The following ZEB2 variants were observed in gnomAD, a reference collection of about 807,000 sequenced individuals.
The protein encoded by ZEB2 is zinc finger E-box-binding homeobox 2.
ZEB2 carries 6 observed loss-of-function variants against 99.9 expected under a neutral mutation model. The observed-to-expected ratio is 0.06, with a 90% CI of 0.03 to 0.12. The LOEUF is 0.12. Among genes scored for constraint, ZEB2 ranks in the 10% least tolerant of loss-of-function variants. The probability of loss-of-function intolerance (pLI) is 1.00; values close to 1 mark genes in which losing one functional copy is unlikely to be tolerated. For synonymous variants in ZEB2, 517 were observed against 542.5 expected, an observed-to-expected ratio of 0.95 and a Z score of 0.65; for missense variants, 969 against 1,502.8, an observed-to-expected ratio of 0.64 and a Z score of 5.87.
intron 2 of ZEB2, among the ~76,000 whole-genome samples, chr2:144,483,161 CACAT>C (rs1344484372): frequency 5.0e-5 from 7 of 141,110 alleles, no homozygotes; most frequent in East Asian, 2.1e-4. Context: ...CACACACACA[CACAT>C]ACCCTAAGAC....
At chr2:144,454,228 T>C (rs1382818458) in intron 2 of ZEB2, among the ~76,000 whole-genome samples, 1 of 152,220 alleles carries the variant, frequency 6.6e-6, no homozygotes, top group African/African-American at 2.4e-5. Context: ...TATTTTACAT[T>C]GCTGTAATAG....
chr2:144,484,185 T>TTTTGTG (rs1553968451), intron 2 of ZEB2, among the ~76,000 whole-genome samples: 55 of 142,526 alleles, frequency 3.9e-4, no homozygotes, highest in African/African-American at 1.4e-3. Context: ...AAATCTGGAT[T>TTTTGTG]TGTGTGTGTG....
rs1553968396 is a variant in ZEB2 at position 144,483,150 on chromosome 2, A to ACACATGCG, written c.73+34127_73+34128insCGCATGTG. On this transcript the variant is annotated intron_variant, in intron 2 of 9. Coordinates refer to ENST00000627532, the MANE Select transcript of ZEB2 (RefSeq NM_014795.4). ...CACACACACACACACACACACACAC[A>ACACATGCG]CACACACACACACATACCCTAAGAC... Among the ~76,000 whole-genome samples, 780 of 149,656 alleles carry ACACATGCG rather than the reference A, an allele frequency of 5.2e-3. 7 individuals carry two copies. Among genetic ancestry groups the ACACATGCG allele is most frequent in the African/African-American group, 0.018 (734 of 40,954 alleles).
At chr2:144,518,244 T>G (rs1277576230) in intron 1 of ZEB2, 2 of 152,432 alleles carry the variant, frequency 1.3e-5, no homozygotes, top group South Asian at 4.1e-4. Flanking sequence ...GCAATACTTT[T>G]AAGCTCTACT....
chr2:144,404,772 T>C (rs908139436), intron 5 of ZEB2, 64 bp downstream of exon 5: 1 of 1,569,044 alleles, frequency 6.4e-7, no homozygotes, highest in Non-Finnish European at 8.7e-7. Flanking sequence ...AGGCATGTAG[T>C]GCATTTGTAA....
chr2:144,427,112 C>T (rs1703700163), intron 3 of ZEB2: 1 of 152,046 alleles, frequency 6.6e-6, no homozygotes, highest in African/African-American at 2.4e-5. Flanking sequence ...TTCCAGTCAC[C>T]CCTGGGATGA....
chr2:144,504,095 CAACAAAA>C (rs1560653637), intron 2 of ZEB2: 3 of 47,594 alleles, frequency 6.3e-5, no homozygotes, highest in Admixed American at 1.8e-4. Context: ...AAAAAAAAAA[CAACAAAA>C]AAAACAAACC....
At chr2:144,519,744 G>T in intron 1 of ZEB2, 195 bp downstream of exon 1, 1 of 347,628 alleles carries the variant, frequency 2.9e-6, no homozygotes, top group South Asian at 2.3e-5. Flanking sequence ...GAGTGTAAGA[G>T]AAAGCGAAGA....
intron 2 of ZEB2, among the ~76,000 whole-genome samples, chr2:144,447,473 A>T (rs1423131515): frequency 6.6e-6 from 1 of 152,168 alleles, no homozygotes; most frequent in Non-Finnish European, 1.5e-5. Context: ...ATTTATTATT[A>T]TCCCTTACCA....
intron 4 of ZEB2, among the ~76,000 whole-genome samples, chr2:144,415,903 C>G (rs1039701863): frequency 6.6e-6 from 1 of 152,220 alleles, no homozygotes; most frequent in African/African-American, 2.4e-5. Context: ...TGCCTGTATA[C>G]TGCAAGCAAA....
At chr2:144,439,130 GAAGAAAAAAAAAAAAAAAAAAAAACTT>G (rs1372615281) in intron 2 of ZEB2, among the ~76,000 whole-genome samples, 1 of 132,330 alleles carries the variant, frequency 7.6e-6, no homozygotes, top group Non-Finnish European at 1.6e-5. Flanking sequence ...AGGCTGGGAG[GAAGAAAAAAAAAAAAAAAAAAAAACTT>G]AAGGTTTGCT....
Position 144,398,859 on chromosome 2 carries a change from G to C in ZEB2, c.2328C>G (p.Asp776Glu), listed in dbSNP as rs758848641. ...GAGAAGGAGTATTACTCCTGGAGTGGTCCAATTTTTCAACTGGTTTAATAT... is the reference window on the plus strand; with the variant it reads ...GAGAAGGAGTATTACTCCTGGAGTGCTCCAATTTTTCAACTGGTTTAATAT... ...FTNIKPVEKL[D>E]HSRSNTPSPL... Residue 776 changes from aspartate to glutamate, a missense_variant, in exon 8 of 10, where the codon GAC becomes GAG. Physicochemically the swap from Asp to Glu is conservative, Grantham distance 45 (BLOSUM62 2). Transcript: ENST00000627532. 4.3e-6 allele frequency: 7 copies of C among 1,614,146 alleles called. No homozygotes were observed. The highest frequency in any genetic ancestry group is 5.9e-6 in the Non-Finnish European group (7 of 1,180,020).
intron 2 of ZEB2, among the ~76,000 whole-genome samples, chr2:144,452,466 C>A (rs1267369182): frequency 6.6e-6 from 1 of 152,108 alleles, no homozygotes; most frequent in East Asian, 1.9e-4. Flanking sequence ...TACAGCATCA[C>A]CACAAAAGGC....
chr2:144,514,284 C>A (rs569773846), intron 2 of ZEB2: 1 of 166,616 alleles, frequency 6.0e-6, no homozygotes, highest in East Asian at 1.7e-4. Flanking sequence ...CTGCTTTACA[C>A]GTTTTATCTC....
chr2:144,444,675 T>G (rs774638497), intron 2 of ZEB2, among the ~76,000 whole-genome samples: 3 of 152,208 alleles, frequency 2.0e-5, no homozygotes, highest in Non-Finnish European at 4.4e-5. Flanking sequence ...GTCACCTGAA[T>G]AGCATCCCCA....
chr2:144,396,337 A>ATCTT, intron 9 of ZEB2, 75 bp downstream of exon 9: 1 of 1,550,250 alleles, frequency 6.5e-7, no homozygotes, highest in Non-Finnish European at 8.9e-7. Context: ...TATGTTGCAC[A>ATCTT]AGTGTGCTCA....
intron 2 of ZEB2, among the ~76,000 whole-genome samples, chr2:144,440,335 C>A (rs1188652022): frequency 6.6e-6 from 1 of 151,864 alleles, no homozygotes; most frequent in Non-Finnish European, 1.5e-5. Context: ...ACTGCTTTAT[C>A]CTCATGTATT....
intron 4 of ZEB2, among the ~76,000 whole-genome samples, chr2:144,422,202 A>G (rs960643097): frequency 6.6e-6 from 1 of 152,200 alleles, no homozygotes; most frequent in Non-Finnish European, 1.5e-5. Flanking sequence ...ATGGTAGCAT[A>G]ACATGACCCA....
intron 6 of ZEB2, 89 bp downstream of exon 6, chr2:144,403,827 T>A: frequency 6.5e-7 from 1 of 1,546,660 alleles, no homozygotes; most frequent in Non-Finnish European, 8.9e-7. Context: ...CAAAATGCCA[T>A]GAAAAATTAA....
Sources: gnomAD v4.1 joint callset for allele counts (sites outside exome capture counted in the v4.1 genomes callset) on GRCh38, gnomAD v4.1.1 for gene constraint, MANE v1.5 for transcripts, NCBI Gene and HGNC (gene_info 2026-07-23, HGNC 2026-07-21) for gene names.